PGM1: variants seen among roughly 807,000 people sequenced by gnomAD.
PGM1 encodes the protein phosphoglucomutase-1.
In PGM1, 52 loss-of-function variants were observed where a neutral mutation model predicts 55.6. The ratio of observed to expected loss-of-function variants is 0.94; its 90% CI spans 0.75 to 1.18. The LOEUF (loss-of-function observed/expected upper bound fraction) is 1.18, where lower values mean the gene tolerates loss of function less well. PGM1 is among the 50% of genes most tolerant of loss of function. The pLI is 0.00. For synonymous variants in PGM1, 287 were observed against 271.7 expected, an observed-to-expected ratio of 1.06 and a Z score of -0.55; for missense variants, 724 against 729.3, an observed-to-expected ratio of 0.99 and a Z score of 0.08.
chr1:63,650,830 C>A (rs1418076085), intron 8 of PGM1, among the ~76,000 whole-genome samples: 1 of 152,074 alleles, frequency 6.6e-6, no homozygotes, highest in Non-Finnish European at 1.5e-5. Flanking sequence ...TGGGCCTCTT[C>A]TGTCAGGGTG....
At chr1:63,643,532 C>T (rs1004393897) in intron 7 of PGM1, among the ~76,000 whole-genome samples, 1 of 152,176 alleles carries the variant, frequency 6.6e-6, no homozygotes, top group Non-Finnish European at 1.5e-5. Context: ...CTGGGGCCAG[C>T]CTCCTGGGGA....
At chr1:63,617,730 CAAAAAAAAAAA>C (rs34771728) in intron 1 of PGM1, among the ~76,000 whole-genome samples, 2 of 43,300 alleles carry the variant, frequency 4.6e-5, no homozygotes, top group Non-Finnish European at 8.9e-5. Flanking sequence ...TGCCTCCCCA[CAAAAAAAAAAA>C]AAAAAAAAAA....
intron 10 of PGM1, among the ~76,000 whole-genome samples, chr1:63,655,079 C>T (rs1649925066): frequency 6.6e-6 from 1 of 151,772 alleles, no homozygotes; most frequent in Non-Finnish European, 1.5e-5. Flanking sequence ...AGCAATCCTC[C>T]TACCTCAGCT....
At chr1:63,653,594 G>T (rs1428186825) in intron 9 of PGM1, among the ~76,000 whole-genome samples, 1 of 152,166 alleles carries the variant, frequency 6.6e-6, no homozygotes, top group Non-Finnish European at 1.5e-5. Context: ...GGCAACTTCT[G>T]TCCCAGCCTT....
chr1:63,597,631 A>G (rs1648118339), intron 1 of PGM1, among the ~76,000 whole-genome samples: 1 of 152,186 alleles, frequency 6.6e-6, no homozygotes, highest in African/African-American at 2.4e-5. Flanking sequence ...TCCAAGTGAA[A>G]AAGGAATTTT....
chr1:63,604,276 T>A (rs988031360), intron 1 of PGM1, among the ~76,000 whole-genome samples: 80 of 152,268 alleles, frequency 5.3e-4, no homozygotes, highest in African/African-American at 1.9e-3. Context: ...AAACAAGATG[T>A]TTTTCTGTCT....
At chr1:63,613,607 C>G (rs1333991999) in intron 1 of PGM1, among the ~76,000 whole-genome samples, 2 of 152,048 alleles carry the variant, frequency 1.3e-5, no homozygotes, top group African/African-American at 4.8e-5. Context: ...CCACCCTAAT[C>G]CAGTATGCTC....
chr1:63,648,380 T>A, intron 7 of PGM1, 137 bp from the exon 8 acceptor site: 1 of 889,982 alleles, frequency 1.1e-6, no homozygotes, highest in South Asian at 1.4e-5. Flanking sequence ...TTGTCCCCCA[T>A]GATCCAATCA....
chr1:63,633,019 T>C (rs1649238985), intron 4 of PGM1, among the ~76,000 whole-genome samples: 1 of 152,032 alleles, frequency 6.6e-6, no homozygotes, highest in Non-Finnish European at 1.5e-5. Flanking sequence ...CAAGACTCCG[T>C]CTCAAAAAAA....
chr1:63,636,149 C>T (rs1649355305), intron 5 of PGM1, 85 bp from the exon 6 acceptor site: 11 of 1,305,934 alleles, frequency 8.4e-6, no homozygotes, highest in Non-Finnish European at 9.9e-6. Flanking sequence ...TATAGTTTTA[C>T]ATTTTATAAA....
At chr1:63,594,250 G>C in intron 1 of PGM1, 2 of 525,962 alleles carry the variant, frequency 3.8e-6, no homozygotes, top group Non-Finnish European at 4.9e-6. Context: ...CCGACACTGT[G>C]GGGCAAGGGT....
intron 6 of PGM1, among the ~76,000 whole-genome samples, chr1:63,637,941 A>G (rs570499214): frequency 3.9e-5 from 6 of 152,224 alleles, no homozygotes; most frequent in Non-Finnish European, 8.8e-5. Context: ...CATTCTGGGA[A>G]GCAAATCTCG....
intron 1 of PGM1, chr1:63,623,098 A>T: frequency 6.6e-6 from 3 of 452,844 alleles, no homozygotes; most frequent in Non-Finnish European, 9.0e-6. Flanking sequence ...CCTGGTGTTT[A>T]CAGCTGAAGT....
At chr1:63,650,241 A>G (rs954330338) in intron 8 of PGM1, among the ~76,000 whole-genome samples, 2 of 152,184 alleles carry the variant, frequency 1.3e-5, no homozygotes, top group African/African-American at 4.8e-5. Flanking sequence ...ACAGTTATTG[A>G]TAAGGTAGCT....
chr1:63,646,646 T>G (rs1246201304), intron 7 of PGM1, among the ~76,000 whole-genome samples: 1 of 152,208 alleles, frequency 6.6e-6, no homozygotes, highest in African/African-American at 2.4e-5. Context: ...ACCAGCTCTT[T>G]GGTGGAATCC....
intron 1 of PGM1, among the ~76,000 whole-genome samples, chr1:63,625,716 T>G (rs1360248140): frequency 1.3e-5 from 2 of 152,268 alleles, no homozygotes; most frequent in Non-Finnish European, 2.9e-5. Flanking sequence ...GAGATCATTT[T>G]ATTTTTTTTC....
intron 4 of PGM1, among the ~76,000 whole-genome samples, chr1:63,633,947 T>TTTTTTTA (rs1649290496): frequency 1.7e-5 from 2 of 119,762 alleles, no homozygotes; most frequent in African/African-American, 3.3e-5. Context: ...TTTTTTTTTT[T>TTTTTTTA]TTTTTTTTTT....
At chr1:63,603,740 A>G (rs1262106440) in intron 1 of PGM1, among the ~76,000 whole-genome samples, 1 of 152,224 alleles carries the variant, frequency 6.6e-6, no homozygotes, top group Non-Finnish European at 1.5e-5. Flanking sequence ...AACAACATGT[A>G]ACACAACAGG....
intron 8 of PGM1, among the ~76,000 whole-genome samples, chr1:63,649,311 T>C (rs1649742601): frequency 6.6e-6 from 1 of 152,172 alleles, no homozygotes; most frequent in Non-Finnish European, 1.5e-5. Flanking sequence ...ATACTTAGAA[T>C]ACTTAGTAAT....
Sources: gnomAD v4.1 joint callset for allele counts (sites outside exome capture counted in the v4.1 genomes callset) on GRCh38, gnomAD v4.1.1 for gene constraint, MANE v1.5 for transcripts, NCBI Gene and HGNC (gene_info 2026-07-23, HGNC 2026-07-21) for gene names.